The following CAPRIN1 variants were observed in gnomAD, a reference collection of about 807,000 sequenced individuals.
CAPRIN1 encodes the protein cell cycle associated protein 1.
In CAPRIN1, 29 loss-of-function variants were observed where a neutral mutation model predicts 100.9. The ratio of observed to expected loss-of-function variants is 0.29; its 90% CI spans 0.21 to 0.39. CAPRIN1 has a LOEUF of 0.39. CAPRIN1 is among the 10% of genes least tolerant of loss of function. The probability of loss-of-function intolerance (pLI) is 1.00; values close to 1 mark genes in which losing one functional copy is unlikely to be tolerated. For missense variants in CAPRIN1, 795 were observed against 876.7 expected (o/e 0.91, Z 1.18); for synonymous variants, 338 against 307.5 (o/e 1.10, Z -1.04).
chr11:34,101,937 A>G lies in CAPRIN1; in HGVS notation c.*2570A>G, dbSNP rs1196321603. ...ATAATATAAATCATCTCATGTGGATATGAAACTTCTTTTTTAAAACTTAAA... is the reference window on the plus strand; with the variant it reads ...ATAATATAAATCATCTCATGTGGATGTGAAACTTCTTTTTTAAAACTTAAA... On this transcript the variant is annotated 3_prime_UTR_variant, in exon 19 of 19. Coordinates refer to ENST00000341394, the MANE Select transcript of CAPRIN1 (RefSeq NM_005898.5). Among the ~76,000 whole-genome samples, 1 of 152,226 alleles carries G rather than the reference A, an allele frequency of 6.6e-6. No homozygotes were observed. The highest frequency in any genetic ancestry group is 1.5e-5 in the Non-Finnish European group (1 of 68,030).
rs1336835559 is a variant in CAPRIN1, at chr11:34,052,507, C to T, written c.87C>T (p.Ala29=). Residue 29 remains alanine (A), a synonymous_variant, in exon 2 of 19, where the codon GCC becomes GCT. Transcript: ENST00000341394. ...PPSGSSGSEA[A]AGAGAAAPAS... ...CGGGTTCCTCCGGGAGTGAGGCGGC[C>T]GCGGGAGCCGGGGCCGCCGCGCCGG... 9 of 1,604,136 alleles carry T rather than the reference C, an allele frequency of 5.6e-6. No homozygotes were observed. Among genetic ancestry groups the T allele is most frequent in the East Asian group, 2.2e-5 (1 of 44,542 alleles).
intron 2 of CAPRIN1, among the ~76,000 whole-genome samples, chr11:34,064,829 T>C (rs1157604252): frequency 1.3e-5 from 2 of 152,188 alleles, no homozygotes; most frequent in African/African-American, 4.8e-5. Flanking sequence ...ATGAAATAGT[T>C]ACTAGGTTAG....
chr11:34,053,650 C>T (rs902725537), intron 2 of CAPRIN1: 8 of 151,244 alleles, frequency 5.3e-5, no homozygotes, highest in Non-Finnish European at 8.8e-5. Flanking sequence ...AATATTTAGT[C>T]CTTGTAGATC....
intron 4 of CAPRIN1, among the ~76,000 whole-genome samples, chr11:34,075,219 T>C (rs1290658840): frequency 6.6e-6 from 1 of 152,146 alleles, no homozygotes; most frequent in Non-Finnish European, 1.5e-5. Flanking sequence ...TCATCATTCT[T>C]CCCAGGTCTC....
In CAPRIN1 at chr11:34,090,287, C is replaced by G. The variant is rs1253000923; in HGVS notation, c.1402C>G (p.Gln468Glu). The change falls in exon 13 of 19, where the codon CAG (glutamine) becomes GAG (glutamate). Residue 468 changes from glutamine to glutamate, a missense_variant and splice_region_variant. Coordinates refer to ENST00000341394, the MANE Select transcript of CAPRIN1 (RefSeq NM_005898.5). Reference protein sequence around the residue: ...RPQKEPIDQIQATISLNTDQT... With the variant: ...RPQKEPIDQIEATISLNTDQT... ...ACAGAAGGAACCAATTGATCAGATT[C>G]AGGCAAGTTCTGTTACCGGGTCACA... 3 of 1,604,104 alleles carry G rather than the reference C, an allele frequency of 1.9e-6. No individual in the cohort carries two copies. Among genetic ancestry groups the G allele is most frequent in the South Asian group, 1.1e-5 (1 of 90,858 alleles).
chr11:34,053,740 TAGAGGGGC>T (rs1168247860), intron 2 of CAPRIN1: 1 of 152,184 alleles, frequency 6.6e-6, no homozygotes, highest in Non-Finnish European at 1.5e-5. Flanking sequence ...AACTCTTGTT[TAGAGGGGC>T]GTGTGTATGT....
chr11:34,082,753 A>G (rs758398024), intron 7 of CAPRIN1, 72 bp from the exon 8 acceptor site: 25 of 1,054,906 alleles, frequency 2.4e-5, no homozygotes, highest in Middle Eastern at 2.9e-4. Context: ...GTATCTACCA[A>G]TATCACACAG....
intron 4 of CAPRIN1, among the ~76,000 whole-genome samples, chr11:34,073,564 C>G (rs968890771): frequency 6.6e-6 from 1 of 152,108 alleles, no homozygotes; most frequent in Non-Finnish European, 1.5e-5. Context: ...ACTGGGACTA[C>G]AGACCTGCGC....
intron 2 of CAPRIN1, among the ~76,000 whole-genome samples, chr11:34,061,110 A>T (rs536580033): frequency 3.4e-4 from 52 of 152,154 alleles, no homozygotes; most frequent in Admixed American, 1.4e-3. Context: ...TATCTTTTTT[A>T]AAAAATTGGA....
In CAPRIN1 at chr11:34,052,534, T is replaced by G. The variant is rs780159062; in HGVS notation, c.114T>G (p.Ala38=). 4.4e-6 allele frequency: 7 copies of G among 1,606,438 alleles called. No individual in the cohort carries two copies. Among genetic ancestry groups the G allele is most frequent in the Non-Finnish European group, 4.2e-6 (5 of 1,177,102 alleles). The change falls in exon 2 of 19, where the codon GCT becomes GCG. Residue 38 remains alanine (A), a synonymous_variant. Transcript: ENST00000341394. ...AAAGAGAAAP[A]SQHPATGTGA... ...CGGGAGCCGGGGCCGCCGCGCCGGC[T>G]TCTCAGCACCCCGCAACCGGCACCG...
chr11:34,073,035 A>G (rs1850833218), intron 4 of CAPRIN1, among the ~76,000 whole-genome samples: 2 of 152,204 alleles, frequency 1.3e-5, no homozygotes, highest in Admixed American at 1.3e-4. Flanking sequence ...AGTACACTCC[A>G]TGTTTGCACA....
At chr11:34,052,677 G>A (rs377578740) in intron 2 of CAPRIN1, 41 bp downstream of exon 2, 4 of 1,553,044 alleles carry the variant, frequency 2.6e-6, no homozygotes, top group Non-Finnish European at 3.5e-6. Context: ...GGCTGCGGCC[G>A]GGCTCTGCGG....
At chr11:34,075,593 G>C (rs974787218) in intron 4 of CAPRIN1, among the ~76,000 whole-genome samples, 2 of 152,136 alleles carry the variant, frequency 1.3e-5, no homozygotes, top group African/African-American at 4.8e-5. Context: ...GACTGGCAGC[G>C]GATTATTTGG....
At chr11:34,093,038 T>G (rs1254264661) in intron 15 of CAPRIN1, among the ~76,000 whole-genome samples, 1 of 151,598 alleles carries the variant, frequency 6.6e-6, no homozygotes, top group African/African-American at 2.4e-5. Context: ...TTTTTTTTTT[T>G]TTTGTAGAGA....
chr11:34,071,578 T>C (rs1034292758), intron 2 of CAPRIN1, 148 bp from the exon 3 acceptor site: 11 of 598,932 alleles, frequency 1.8e-5, no homozygotes, highest in African/African-American at 1.5e-4. Context: ...AAAAAAAATT[T>C]ATGTACTTAA....
At chr11:34,098,355 A>C (rs1048352359) in intron 18 of CAPRIN1, 39 of 984,896 alleles carry the variant, frequency 4.0e-5, no homozygotes, top group Middle Eastern at 5.2e-4. Flanking sequence ...TATACTTAAA[A>C]AAAATTACAG....
At chr11:34,060,177 C>G (rs1001667769) in intron 2 of CAPRIN1, among the ~76,000 whole-genome samples, 25 of 105,984 alleles carry the variant, frequency 2.4e-4, no homozygotes, top group African/African-American at 8.4e-4. Flanking sequence ...GCCTGGGCAA[C>G]AGAGTGATAC....
chr11:34,070,696 C>T (rs781633314), intron 2 of CAPRIN1, among the ~76,000 whole-genome samples: 9 of 147,280 alleles, frequency 6.1e-5, no homozygotes, highest in Non-Finnish European at 1.2e-4. Flanking sequence ...GTGCCTGGCC[C>T]GAAAAAATAC....
At chr11:34,092,471 C>T (rs1851282389) in intron 15 of CAPRIN1, among the ~76,000 whole-genome samples, 1 of 151,938 alleles carries the variant, frequency 6.6e-6, no homozygotes, top group Admixed American at 6.6e-5. Flanking sequence ...ATCCTCCCTA[C>T]CTCAGCCTCC....
Sources: gnomAD v4.1 joint callset for allele counts (sites outside exome capture counted in the v4.1 genomes callset) on GRCh38, gnomAD v4.1.1 for gene constraint, MANE v1.5 for transcripts, NCBI Gene and HGNC (gene_info 2026-07-23, HGNC 2026-07-21) for gene names.